Variants in DPP10 observed in about 807,000 individuals in gnomAD.
The protein encoded by DPP10 is dipeptidyl peptidase like 10, also known as inactive dipeptidyl peptidase 10.
Under a neutral mutation model 120.9 loss-of-function variants are expected in DPP10, and 33 were observed. The observed-to-expected ratio is 0.27, with a 90% confidence interval of 0.21 to 0.37. The LOEUF (loss-of-function observed/expected upper bound fraction) is 0.37. Among genes scored for constraint, DPP10 ranks in the 10% least tolerant of loss-of-function variants. The probability of loss-of-function intolerance (pLI) is 1.00; values close to 1 mark genes in which losing one functional copy is unlikely to be tolerated. For synonymous variants in DPP10, 337 were observed against 326.1 expected, an observed-to-expected ratio of 1.03 and a Z score of -0.36; for missense variants, 816 against 942.8, an observed-to-expected ratio of 0.87 and a Z score of 1.76.
Position 115,006,479 on chromosome 2 carries a change from C to T in DPP10, c.61-302760C>T, listed in dbSNP as rs1316140714. Reference sequence around the variant, plus strand: ...TGCTGTATTCAGGAAACCCATCTCACATGCAGAGACACACATAGGCTCAAA... The same window carrying T: ...TGCTGTATTCAGGAAACCCATCTCATATGCAGAGACACACATAGGCTCAAA... On this transcript the variant is annotated intron_variant, in intron 1 of 25. Transcript: ENST00000410059. 5.9e-5 allele frequency among the ~76,000 whole-genome samples: 9 copies of T among 151,420 alleles called. No homozygotes were observed. The East Asian group carries it at 1.7e-3, about 29-fold the overall frequency.
chr2:114,903,870 AAAG>A (rs753767343), intron 1 of DPP10, among the ~76,000 whole-genome samples: 2 of 152,224 alleles, frequency 1.3e-5, no homozygotes, highest in African/African-American at 4.8e-5. Context: ...CTGTAGGCCA[AAAG>A]AAGAAGTCTC....
At chr2:115,312,021 G>A (rs1424702187) in intron 2 of DPP10, among the ~76,000 whole-genome samples, 2 of 152,024 alleles carry the variant, frequency 1.3e-5, no homozygotes, top group Admixed American at 6.6e-5. Flanking sequence ...CTCCCAAAGT[G>A]CTGGGATTAC....
chr2:115,512,167 C>T (rs2148841538), intron 4 of DPP10, among the ~76,000 whole-genome samples: 1 of 152,018 alleles, frequency 6.6e-6, no homozygotes, highest in Admixed American at 6.6e-5. Context: ...GTGTTGTGAT[C>T]ATGGCTCACT....
In DPP10 at chr2:115,033,521, A is replaced by G. The variant is rs377676380; in HGVS notation, c.61-275718A>G. ...CCTCTGTGCCAAGGTCCTCACAGCAATGGTCACTTGGCCTCCATTTCCACT... is the reference window on the plus strand; with the variant it reads ...CCTCTGTGCCAAGGTCCTCACAGCAGTGGTCACTTGGCCTCCATTTCCACT... On this transcript the variant is annotated intron_variant, in intron 1 of 25. Transcript: ENST00000410059. 1.5e-3 allele frequency among the ~76,000 whole-genome samples: 226 copies of G among 152,192 alleles called. 2 individuals carry two copies. The highest frequency in any genetic ancestry group is 4.6e-3 in the African/African-American group (191 of 41,526).
At chr2:115,212,566 T>C (rs2105360151) in intron 1 of DPP10, among the ~76,000 whole-genome samples, 1 of 152,284 alleles carries the variant, frequency 6.6e-6, no homozygotes, top group Admixed American at 6.5e-5. Flanking sequence ...GATATTTTTG[T>C]GTTTAGAATG....
At chr2:114,768,003 C>A (rs1836756) in intron 1 of DPP10, among the ~76,000 whole-genome samples, 2,553 of 151,988 alleles carry the variant, frequency 0.017, 69 homozygotes, top group African/African-American at 0.058. Context: ...TGGTGGGTGC[C>A]TGTAATCCCA....
intron 1 of DPP10, among the ~76,000 whole-genome samples, chr2:114,755,607 G>A (rs1574112687): frequency 6.6e-6 from 1 of 152,162 alleles, no homozygotes; most frequent in African/African-American, 2.4e-5. Context: ...GAGGAAAACT[G>A]TGTGTGTGTT....
intron 1 of DPP10, among the ~76,000 whole-genome samples, chr2:114,570,277 G>A (rs1338477592): frequency 6.6e-6 from 1 of 152,152 alleles, no homozygotes; most frequent in South Asian, 2.1e-4. Flanking sequence ...AGCAGAAAAT[G>A]TGGACTGGAA....
At chr2:115,389,782 A>T (rs2067203110) in intron 3 of DPP10, among the ~76,000 whole-genome samples, 1 of 151,990 alleles carries the variant, frequency 6.6e-6, no homozygotes, top group Non-Finnish European at 1.5e-5. Flanking sequence ...TCAGTTTATG[A>T]TTATTTATCT....
chr2:115,417,298 AT>A (rs1247868044), intron 3 of DPP10, among the ~76,000 whole-genome samples: 1 of 152,310 alleles, frequency 6.6e-6, no homozygotes, highest in African/African-American at 2.4e-5. Context: ...AATGTAAAAA[AT>A]ATCACCTCTT....
At chr2:115,473,333 C>T (rs529733161) in intron 3 of DPP10, among the ~76,000 whole-genome samples, 6 of 152,238 alleles carry the variant, frequency 3.9e-5, no homozygotes, top group African/African-American at 1.4e-4. Context: ...ATCATTGGGA[C>T]AAGCTGGGAC....
chr2:115,234,190 GCTCT>G (rs954340476), intron 1 of DPP10, among the ~76,000 whole-genome samples: 1 of 151,922 alleles, frequency 6.6e-6, no homozygotes, highest in African/African-American at 2.4e-5. Flanking sequence ...AATCAAGTTG[GCTCT>G]CTCTCCCTCT....
At chr2:115,293,143 TAAAG>T (rs34672544) in intron 1 of DPP10, among the ~76,000 whole-genome samples, 5,567 of 152,066 alleles carry the variant, frequency 0.037, 215 homozygotes, top group East Asian at 0.2. Context: ...GATAAATTGA[TAAAG>T]AAAAGAAAAA....
intron 1 of DPP10, among the ~76,000 whole-genome samples, chr2:114,806,775 A>G (rs1265303224): frequency 6.6e-6 from 1 of 152,224 alleles, no homozygotes; most frequent in African/African-American, 2.4e-5. Context: ...TAGTGTCACA[A>G]TCCAACCATT....
intron 1 of DPP10, among the ~76,000 whole-genome samples, chr2:115,307,498 T>C (rs2061406274): frequency 2.0e-5 from 3 of 152,142 alleles, no homozygotes; most frequent in Admixed American, 2.0e-4. Context: ...AGTTAATAAA[T>C]AGGAAAGTAT....
intron 3 of DPP10, chr2:115,468,267 G>A (rs1485100606): frequency 2.0e-6 from 1 of 510,000 alleles, no homozygotes; most frequent in African/African-American, 1.9e-5. Context: ...ATTGAAAACT[G>A]ATGTCAGTGT....
chr2:114,653,023 A>AGTGTGTGT (rs1307967017), intron 1 of DPP10, among the ~76,000 whole-genome samples: 77 of 102,626 alleles, frequency 7.5e-4, no homozygotes, highest in African/African-American at 4.5e-3. Context: ...AGAGAGAGAG[A>AGTGTGTGT]GAGAGTGTGT....
intron 24 of DPP10, among the ~76,000 whole-genome samples, chr2:115,838,083 A>G (rs569844046): frequency 6.6e-6 from 1 of 152,262 alleles, no homozygotes; most frequent in South Asian, 2.1e-4. Context: ...GATGTTAACA[A>G]TGGGGAAACT....
intron 3 of DPP10, among the ~76,000 whole-genome samples, chr2:115,457,726 T>A (rs866249660): frequency 6.6e-5 from 10 of 152,186 alleles, no homozygotes; most frequent in Middle Eastern, 6.8e-3. Flanking sequence ...CTGGTGGAAA[T>A]ACAACACTTG....
Sources: allele counts gnomAD v4.1 joint callset (sites outside exome capture counted in the v4.1 genomes callset), GRCh38; gene constraint gnomAD v4.1.1; transcripts MANE v1.5; gene names NCBI Gene and HGNC (gene_info 2026-07-23, HGNC 2026-07-21).